Variants in TENM2 observed in about 807,000 individuals in gnomAD.
TENM2 encodes the protein teneurin-2.
Under a neutral mutation model 245.2 loss-of-function variants are expected in TENM2, and 52 were observed. The observed-to-expected ratio is 0.21, with a 90% CI of 0.17 to 0.27. TENM2 has a LOEUF of 0.27. Ranked by LOEUF, TENM2 falls within the 10% of genes least tolerant of loss-of-function variation. The probability of loss-of-function intolerance (pLI) is 1.00; values close to 1 mark genes in which losing one functional copy is unlikely to be tolerated. For synonymous variants in TENM2, 1,363 were observed against 1,438.9 expected, an observed-to-expected ratio of 0.95 and a Z score of 1.19; for missense variants, 3,046 against 3,666.8, an observed-to-expected ratio of 0.83 and a Z score of 4.37.
intron 2 of TENM2, among the ~76,000 whole-genome samples, chr5:167,699,063 C>A (rs1232716245): frequency 1.3e-5 from 2 of 151,968 alleles, no homozygotes; most frequent in African/African-American, 2.4e-5. Context: ...CTACAGTTAG[C>A]TAGTTATAAA....
chr5:167,238,409 C>T, the TENM2 span, among the ~76,000 whole-genome samples: 225 of 152,262 alleles, frequency 1.5e-3, no homozygotes, highest in African/African-American at 4.8e-3. Context: ...AATCTTGCCA[C>T]ATAGAGTATT....
At chr5:166,985,557 T>C in the TENM2 span, among the ~76,000 whole-genome samples, 3 of 152,158 alleles carry the variant, frequency 2.0e-5, no homozygotes, top group African/African-American at 4.8e-5. Flanking sequence ...TTTTGTCTTC[T>C]CTAATCCTGT....
chr5:167,677,400 G>C (rs948646864), intron 2 of TENM2, among the ~76,000 whole-genome samples: 3 of 151,082 alleles, frequency 2.0e-5, no homozygotes, highest in Admixed American at 2.0e-4. Context: ...GAGAACAACT[G>C]CTTTTTTTTT....
At chr5:167,291,041 A>T (rs539541286) in intron 1 of TENM2, among the ~76,000 whole-genome samples, 1 of 152,200 alleles carries the variant, frequency 6.6e-6, no homozygotes, top group South Asian at 2.1e-4. Flanking sequence ...ATATTTTTTG[A>T]TAACTTTAGC....
intron 1 of TENM2, among the ~76,000 whole-genome samples, chr5:167,336,526 T>A (rs1468499511): frequency 6.6e-6 from 1 of 151,862 alleles, no homozygotes; most frequent in Non-Finnish European, 1.5e-5. Flanking sequence ...AAAAATCACA[T>A]GTCAGAAGTT....
intron 2 of TENM2, among the ~76,000 whole-genome samples, chr5:167,799,440 T>C (rs1231619514): frequency 1.3e-5 from 2 of 152,238 alleles, no homozygotes. Context: ...CAGATACTTT[T>C]ACTTTTCTGG....
At chr5:167,954,121 GC>G (rs1780340282) in intron 4 of TENM2, among the ~76,000 whole-genome samples, 1 of 147,700 alleles carries the variant, frequency 6.8e-6, no homozygotes, top group South Asian at 2.1e-4. Context: ...TACAAAGGGT[GC>G]TGCATTATTA....
At chr5:168,195,368 C>G in intron 15 of TENM2, 73 bp downstream of exon 17, 1 of 1,522,580 alleles carries the variant, frequency 6.6e-7, no homozygotes, top group Non-Finnish European at 8.9e-7. Context: ...GTGCTGTTGG[C>G]TTGGAACCAC....
At chr5:167,749,264 CT>C (rs1229219017) in intron 2 of TENM2, among the ~76,000 whole-genome samples, 2 of 151,982 alleles carry the variant, frequency 1.3e-5, no homozygotes, top group Non-Finnish European at 2.9e-5. Flanking sequence ...TTATTCCTGC[CT>C]TTTAAAGACT....
chr5:168,081,258 G>A (rs1216373289), intron 7 of TENM2, among the ~76,000 whole-genome samples: 2 of 152,076 alleles, frequency 1.3e-5, no homozygotes, highest in Non-Finnish European at 2.9e-5. Flanking sequence ...TGCAACCCCT[G>A]CTATTTTTTT....
intron 2 of TENM2, among the ~76,000 whole-genome samples, chr5:167,791,437 TTA>T (rs1419232457): frequency 4.6e-4 from 67 of 145,408 alleles, no homozygotes; most frequent in African/African-American, 1.7e-3. Context: ...TATTATATAT[TTA>T]TATATAATAT....
At chr5:168,172,773 G>C (rs1758964536) in intron 13 of TENM2, among the ~76,000 whole-genome samples, 1 of 152,164 alleles carries the variant, frequency 6.6e-6, no homozygotes, top group Non-Finnish European at 1.5e-5. Flanking sequence ...GAAATGCCAG[G>C]GGGTGAGCAG....
rs1343143116 is a variant in TENM2, at chr5:168,218,990, C to T, written c.5099C>T (p.Thr1700Ile). 1.9e-6 allele frequency: 3 copies of T among 1,612,706 alleles called. No homozygotes were observed. In the African/African-American group the frequency reaches 4.0e-5, roughly 22 times the overall value. ...AAGAGCGATGAAACAGGATGGACGA[C>T]TTTCTATGAGTAAGTGGGTTTGTAA... The change falls in exon 23 of 29, where the codon ACT becomes ATT. Residue 1700 changes from threonine (T) to isoleucine (I), a missense_variant. This residue lies in a region of TENM2 where 2,704 missense variants were observed against 3,331.9 expected (regional missense o/e 0.81). Coordinates refer to ENST00000518659, the Ensembl canonical transcript of TENM2. This position sits in a 1 kb window ranked among gnomAD's most constrained non-coding sequence, Gnocchi z 5.2.
At chr5:167,992,859 A>T in intron 4 of TENM2, 85 bp from the exon 7 acceptor site, 2 of 1,011,116 alleles carry the variant, frequency 2.0e-6, no homozygotes, top group Non-Finnish European at 3.1e-6. Context: ...TGCTAGGACT[A>T]GATAGAGCAG....
At chr5:167,830,785 C>T (rs986809293) in intron 2 of TENM2, among the ~76,000 whole-genome samples, 2 of 152,184 alleles carry the variant, frequency 1.3e-5, no homozygotes, top group Non-Finnish European at 1.5e-5. Context: ...TTAAAACACA[C>T]ATTGATGGGC....
At chr5:167,795,038 T>C (rs1765223462) in intron 2 of TENM2, among the ~76,000 whole-genome samples, 1 of 152,104 alleles carries the variant, frequency 6.6e-6, no homozygotes, top group Non-Finnish European at 1.5e-5. Flanking sequence ...ACAAACAAAA[T>C]CAGGAATGAG....
At chr5:167,893,095 G>A (rs1774892965) in intron 3 of TENM2, among the ~76,000 whole-genome samples, 1 of 152,066 alleles carries the variant, frequency 6.6e-6, no homozygotes, top group African/African-American at 2.4e-5. Context: ...CTTGTCCTGA[G>A]GTCTTTTTAT....
At chr5:167,583,321 C>T (rs1435329592) in intron 2 of TENM2, among the ~76,000 whole-genome samples, 1 of 152,156 alleles carries the variant, frequency 6.6e-6, no homozygotes, top group Non-Finnish European at 1.5e-5. Context: ...TTTACTTACA[C>T]TAGCGTGGAT....
intron 3 of TENM2, among the ~76,000 whole-genome samples, chr5:167,882,752 T>C (rs924973349): frequency 1.2e-4 from 19 of 152,246 alleles, no homozygotes; most frequent in South Asian, 8.3e-4. Context: ...AGTGATCCAA[T>C]TACCTCCACC....
Sources: allele counts gnomAD v4.1 joint callset (sites outside exome capture counted in the v4.1 genomes callset), GRCh38; gene constraint gnomAD v4.1.1; regional missense constraint gnomAD v4.1.1; non-coding constraint Gnocchi (gnomAD v3.1); transcripts MANE v1.5; gene names NCBI Gene and HGNC (gene_info 2026-07-23, HGNC 2026-07-21).